Variants in NRG3 observed in about 807,000 individuals in gnomAD.
The protein encoded by NRG3 is neuregulin 3.
In NRG3, 31 loss-of-function variants were observed where a neutral mutation model predicts 66.9. That is an observed-to-expected ratio of 0.46 (90% CI 0.35 to 0.63). The LOEUF (loss-of-function observed/expected upper bound fraction) is 0.63, where lower values mean the gene tolerates loss of function less well. Ranked by LOEUF, NRG3 falls within the 20% of genes least tolerant of loss-of-function variation. The pLI, the probability that NRG3 is intolerant of heterozygous loss-of-function variation, is 0.00. For synonymous variants in NRG3, 393 were observed against 359.4 expected (o/e 1.09, Z -1.06); for missense variants, 910 against 878.9 (o/e 1.04, Z -0.45).
chr10:82,867,851 G>T (rs1011213754), intron 4 of NRG3, among the ~76,000 whole-genome samples: 5 of 146,040 alleles, frequency 3.4e-5, no homozygotes, highest in Non-Finnish European at 1.5e-5. Context: ...ACATTGTTGA[G>T]AAGGGCACAC....
chr10:82,747,355 A>C (rs919446937), intron 3 of NRG3, among the ~76,000 whole-genome samples: 1 of 152,084 alleles, frequency 6.6e-6, no homozygotes, highest in Admixed American at 6.6e-5. Context: ...ATTATGCGTA[A>C]GTCTCTGTAC....
At chr10:82,177,717 G>A (rs1203221234) in intron 1 of NRG3, among the ~76,000 whole-genome samples, 1 of 152,142 alleles carries the variant, frequency 6.6e-6, no homozygotes, top group Non-Finnish European at 1.5e-5. Flanking sequence ...GGGACCACAG[G>A]CGTGCGCCAC....
chr10:82,353,594 A>C lies in NRG3; in HGVS notation c.824-5145A>C, dbSNP rs181020216. Among the ~76,000 whole-genome samples, 6 of 152,186 alleles carry C rather than the reference A, an allele frequency of 3.9e-5. No individual in the cohort carries two copies. In the East Asian group the frequency reaches 1.2e-3, roughly 29 times the overall value. Reference sequence around the variant, plus strand: ...CTGGGGATAGAGACCGAAACGTATAAAAAAAATAAGAAAACACATTAAACT... The same window carrying C: ...CTGGGGATAGAGACCGAAACGTATACAAAAAATAAGAAAACACATTAAACT... On this transcript the variant is annotated intron_variant, in intron 1 of 8. Transcript: ENST00000372141.
At chr10:82,435,399 T>C (rs2090072057) in intron 2 of NRG3, among the ~76,000 whole-genome samples, 1 of 152,118 alleles carries the variant, frequency 6.6e-6, no homozygotes, top group South Asian at 2.1e-4. Context: ...GAAAACCTGC[T>C]CCTGGACTCA....
intron 2 of NRG3, among the ~76,000 whole-genome samples, chr10:82,715,141 T>C (rs1038587829): frequency 9.2e-5 from 14 of 152,234 alleles, no homozygotes; most frequent in African/African-American, 3.4e-4. Flanking sequence ...ATACCTGTAA[T>C]CCCAGCAATT....
intron 2 of NRG3, among the ~76,000 whole-genome samples, chr10:82,359,482 A>G (rs974629904): frequency 6.6e-6 from 1 of 152,230 alleles, no homozygotes; most frequent in East Asian, 1.9e-4. Flanking sequence ...CCCAGTAGAG[A>G]TCAGGAAGGT....
In NRG3 at chr10:82,145,667, G is replaced by A. The variant is rs570245943; in HGVS notation, c.824-213072G>A. On this transcript the variant is annotated intron_variant, in intron 1 of 8. Transcript: ENST00000372141. ...ATGTACGCTGTGTGTTAATTGCTTC[G>A]TTAATACTGCTCTGGTACAATAACC... Among the ~76,000 whole-genome samples, 190 of 152,236 alleles carry A rather than the reference G, an allele frequency of 1.2e-3. 1 individual carries two copies. The highest frequency in any genetic ancestry group is 4.1e-3 in the African/African-American group (172 of 41,550).
intron 2 of NRG3, among the ~76,000 whole-genome samples, chr10:82,366,588 C>T (rs573854129): frequency 5.3e-5 from 8 of 152,112 alleles, no homozygotes; most frequent in East Asian, 1.9e-4. Flanking sequence ...ACTTAATCAG[C>T]GTAACGGGCC....
chr10:82,400,042 G>T (rs1342178324), intron 2 of NRG3, among the ~76,000 whole-genome samples: 1 of 152,092 alleles, frequency 6.6e-6, no homozygotes, highest in Non-Finnish European at 1.5e-5. Flanking sequence ...ATAACTAGCA[G>T]TGAGCAAACA....
At position 82,523,504 on chromosome 10, in the gene NRG3, G is replaced by A. The variant is rs193229509; in HGVS notation, c.953+164636G>A. ...GTAAGCATATTTTAATGTCCTTACC[G>A]GCCAATTTTATATCTTCTTTGGGTG... is the stretch of plus-strand genomic sequence containing the variant. On this transcript the variant is annotated intron_variant, in intron 2 of 8. Coordinates refer to ENST00000372141, the MANE Select transcript of NRG3 (RefSeq NM_001010848.4). Among the ~76,000 whole-genome samples, 20 of 151,950 alleles carry A rather than the reference G, an allele frequency of 1.3e-4. No homozygotes were observed. The East Asian group carries it at 3.5e-3, about 26-fold the overall frequency.
At chr10:82,036,364 C>T (rs921421879) in intron 1 of NRG3, among the ~76,000 whole-genome samples, 1 of 152,076 alleles carries the variant, frequency 6.6e-6, no homozygotes, top group African/African-American at 2.4e-5. Flanking sequence ...TATCTGCTTT[C>T]GTAAGTACAT....
chr10:82,148,325 C>T (rs891910295), intron 1 of NRG3, among the ~76,000 whole-genome samples: 7 of 152,022 alleles, frequency 4.6e-5, no homozygotes, highest in Non-Finnish European at 8.8e-5. Context: ...TAGCAAGACC[C>T]CATTTCTAAA....
intron 1 of NRG3, among the ~76,000 whole-genome samples, chr10:82,245,452 A>T (rs554675245): frequency 6.6e-6 from 1 of 152,326 alleles, no homozygotes; most frequent in Non-Finnish European, 1.5e-5. Context: ...CCCAAGGGTT[A>T]GGGACCCCTG....
chr10:81,968,421 G>C (rs2059808826), intron 1 of NRG3, among the ~76,000 whole-genome samples: 1 of 152,182 alleles, frequency 6.6e-6, no homozygotes, highest in Admixed American at 6.5e-5. Flanking sequence ...TACACTACTT[G>C]CCACGCAAGT....
chr10:82,788,621 C>T (rs1460554843), intron 3 of NRG3, among the ~76,000 whole-genome samples: 1 of 151,870 alleles, frequency 6.6e-6, no homozygotes, highest in Non-Finnish European at 1.5e-5. Context: ...AAACTATCTC[C>T]TTTGAGAAGA....
At chr10:82,232,211 A>C (rs2076512413) in intron 1 of NRG3, 1 of 152,640 alleles carries the variant, frequency 6.6e-6, no homozygotes, top group Non-Finnish European at 1.5e-5. Flanking sequence ...ATGCAAGATA[A>C]GCTCCAGTGT....
chr10:82,385,140 T>G (rs768279199), intron 2 of NRG3, among the ~76,000 whole-genome samples: 2 of 152,212 alleles, frequency 1.3e-5, no homozygotes, highest in Non-Finnish European at 2.9e-5. Context: ...GTTCATGTCC[T>G]TTGCCCACAT....
At chr10:82,571,420 A>G (rs190314204) in intron 2 of NRG3, among the ~76,000 whole-genome samples, 218 of 151,844 alleles carry the variant, frequency 1.4e-3, no homozygotes, top group African/African-American at 4.9e-3. Flanking sequence ...GTTATGGAGC[A>G]GTATTTATTA....
intron 3 of NRG3, among the ~76,000 whole-genome samples, chr10:82,793,973 G>C (rs747449738): frequency 6.6e-6 from 1 of 152,110 alleles, no homozygotes; most frequent in Non-Finnish European, 1.5e-5. Flanking sequence ...ACCTGTAATA[G>C]TGTAACCTTT....
Sources: allele counts gnomAD v4.1 joint callset (sites outside exome capture counted in the v4.1 genomes callset), GRCh38; gene constraint gnomAD v4.1.1; transcripts MANE v1.5; gene names NCBI Gene and HGNC (gene_info 2026-07-23, HGNC 2026-07-21).